The following PRMT3 variants were observed in gnomAD, a reference collection of about 807,000 sequenced individuals.
The protein encoded by PRMT3 is protein arginine methyltransferase 3.
PRMT3 carries 62 observed loss-of-function variants against 71.9 expected under a neutral mutation model. The observed-to-expected ratio is 0.86, with a 90% CI of 0.70 to 1.07. The LOEUF (loss-of-function observed/expected upper bound fraction) is 1.07. PRMT3 is among the 50% of genes least tolerant of loss of function. The pLI, the probability that PRMT3 is intolerant of heterozygous loss-of-function variation, is 0.00. For synonymous variants in PRMT3, 213 were observed against 220.4 expected (o/e 0.97, Z 0.30); for missense variants, 663 against 643.0 (o/e 1.03, Z -0.34).
chr11:20,397,497 C>A, intron 6 of PRMT3, 80 bp from the exon 7 acceptor site: 1 of 1,434,704 alleles, frequency 7.0e-7, no homozygotes, highest in Non-Finnish European at 9.6e-7. Flanking sequence ...CCTCCCCTTT[C>A]CTCTTCCTCA....
chr11:20,462,082 C>G lies in PRMT3; in HGVS notation c.1175C>G (p.Ser392Cys). 6.2e-7 allele frequency: 1 copy of G among 1,613,008 alleles called. No individual in the cohort carries two copies. Among genetic ancestry groups the G allele is most frequent in the Non-Finnish European group, 8.5e-7 (1 of 1,179,350 alleles). ...GATGATGTCTATGGCTTCAAGATGT[C>G]CTGCATGAAGAAAGCAGTTATTCCA... ...FWDDVYGFKM[S>C]CMKKAVIPEA... The change falls in exon 12 of 16, where the codon TCC (serine) becomes TGC (cysteine). Residue 392 changes from serine to cysteine, a missense_variant. Physicochemically the swap from Ser to Cys is moderately radical, Grantham distance 112. Coordinates refer to ENST00000331079, the MANE Select transcript of PRMT3 (RefSeq NM_005788.4).
At chr11:20,452,109 T>G (rs1001669) in intron 10 of PRMT3, 21 bp from the exon 11 acceptor site, 1,404,610 of 1,549,752 alleles carry the variant, frequency 0.91, 646,456 homozygotes, top group Non-Finnish European at 0.95. Flanking sequence ...TAAACTCTTT[T>G]TTTCCCCTTT....
chr11:20,500,470 T>C (rs894341015), intron 15 of PRMT3, among the ~76,000 whole-genome samples: 5 of 152,228 alleles, frequency 3.3e-5, no homozygotes, highest in African/African-American at 1.2e-4. Flanking sequence ...CATTGGAATC[T>C]TTATGCTGTG....
At chr11:20,444,674 GTC>G (rs977350970) in intron 10 of PRMT3, among the ~76,000 whole-genome samples, 1 of 152,050 alleles carries the variant, frequency 6.6e-6, no homozygotes, top group African/African-American at 2.4e-5. Context: ...CCAGCATGTG[GTC>G]TCTCTCATTG....
intron 13 of PRMT3, among the ~76,000 whole-genome samples, chr11:20,477,487 T>C (rs898913972): frequency 2.0e-5 from 3 of 151,108 alleles, no homozygotes; most frequent in African/African-American, 4.9e-5. Context: ...AACCTGGAGG[T>C]GAAGGTTCCA....
chr11:20,433,292 G>A lies in PRMT3; in HGVS notation c.993+6427G>A, dbSNP rs140419142. Among the ~76,000 whole-genome samples, 107 of 152,150 alleles carry A rather than the reference G, an allele frequency of 7.0e-4. 1 individual carries two copies. The East Asian group carries it at 0.019, about 27-fold the overall frequency. ...CATCATTTAGCTCCCACTTATAAGTGAGAACATGTGGTATTTGGTTTTCTG... is the reference window on the plus strand; with the variant it reads ...CATCATTTAGCTCCCACTTATAAGTAAGAACATGTGGTATTTGGTTTTCTG... On this transcript the variant is annotated intron_variant, in intron 10 of 15. Transcript: ENST00000331079.
At chr11:20,449,934 A>C (rs1454849823) in intron 10 of PRMT3, among the ~76,000 whole-genome samples, 24 of 152,136 alleles carry the variant, frequency 1.6e-4, no homozygotes, top group Admixed American at 1.6e-3. Flanking sequence ...AGGAGACAAA[A>C]TAAAAACAAA....
At chr11:20,450,032 A>G (rs1455080347) in intron 10 of PRMT3, among the ~76,000 whole-genome samples, 1 of 152,144 alleles carries the variant, frequency 6.6e-6, no homozygotes, top group East Asian at 1.9e-4. Context: ...AAGAAAGGAT[A>G]TTTTATGTAG....
At chr11:20,399,658 G>C (rs969487024) in intron 7 of PRMT3, among the ~76,000 whole-genome samples, 1 of 152,070 alleles carries the variant, frequency 6.6e-6, no homozygotes, top group African/African-American at 2.4e-5. Context: ...GGGCTTTTCA[G>C]ACAGATTAAA....
At position 20,387,785 on chromosome 11, in the gene PRMT3, T is replaced by C. The variant is rs931244975; in HGVS notation, c.28+11T>C. On this transcript the variant is annotated intron_variant, in intron 1 of 15. Transcript: ENST00000331079. This position sits in a 1 kb window ranked among gnomAD's most constrained non-coding sequence, Gnocchi z 4.3. ...CGTCAGGCGCTACCGGTGGGTACCCTGGCCCCTCAGCACCCGGCTCGTCCA... is the reference window on the plus strand; with the variant it reads ...CGTCAGGCGCTACCGGTGGGTACCCCGGCCCCTCAGCACCCGGCTCGTCCA... The C allele has an allele frequency of 4.5e-6, 7 of 1,541,838 alleles. No homozygotes were observed. In the African/African-American group the frequency reaches 8.2e-5, roughly 18 times the overall value.
chr11:20,390,731 A>T (rs10833317), intron 3 of PRMT3, among the ~76,000 whole-genome samples: 37,650 of 152,200 alleles, frequency 0.25, 4,816 homozygotes, highest in South Asian at 0.35. Context: ...TGTGATTCCA[A>T]CACTTTGGGA....
chr11:20,446,144 C>T (rs576296359), intron 10 of PRMT3, among the ~76,000 whole-genome samples: 2 of 152,036 alleles, frequency 1.3e-5, no homozygotes, highest in South Asian at 4.2e-4. Context: ...CATGTTAATT[C>T]CAAAGTACTG....
chr11:20,461,359 T>C (rs183972996), intron 11 of PRMT3, among the ~76,000 whole-genome samples: 1 of 152,366 alleles, frequency 6.6e-6, no homozygotes, highest in Admixed American at 6.5e-5. Context: ...TGGATGCTCC[T>C]GTTCTTAGTA....
At chr11:20,468,099 G>A (rs74794449) in intron 13 of PRMT3, among the ~76,000 whole-genome samples, 1 of 152,278 alleles carries the variant, frequency 6.6e-6, no homozygotes, top group African/African-American at 2.4e-5. Context: ...AATTAGCGAA[G>A]ATATTGAAAG....
chr11:20,417,547 T>C (rs1849334281), intron 9 of PRMT3, among the ~76,000 whole-genome samples: 2 of 152,214 alleles, frequency 1.3e-5, no homozygotes, highest in South Asian at 4.1e-4. Context: ...CCGTATCTTT[T>C]ACCTAAATCA....
chr11:20,473,078 C>A (rs1850689532), intron 13 of PRMT3, among the ~76,000 whole-genome samples: 1 of 152,016 alleles, frequency 6.6e-6, no homozygotes, highest in Non-Finnish European at 1.5e-5. Context: ...TCTGTGGAGA[C>A]CACGGTAATA....
intron 7 of PRMT3, among the ~76,000 whole-genome samples, chr11:20,398,753 C>G (rs894876029): frequency 2.0e-5 from 3 of 152,202 alleles, no homozygotes; most frequent in African/African-American, 7.2e-5. Flanking sequence ...AGTACAGTGA[C>G]ATGCTGTACA....
chr11:20,469,770 A>G (rs1223897033), intron 13 of PRMT3, among the ~76,000 whole-genome samples: 1 of 152,144 alleles, frequency 6.6e-6, no homozygotes, highest in Non-Finnish European at 1.5e-5. Flanking sequence ...TATTTGATAT[A>G]TCATCTCTTA....
At chr11:20,489,062 T>C (rs1296477684) in intron 13 of PRMT3, among the ~76,000 whole-genome samples, 1 of 152,214 alleles carries the variant, frequency 6.6e-6, no homozygotes, top group Admixed American at 6.5e-5. Context: ...TCACAAAATA[T>C]CAAGAGTGAT....
Sources: gnomAD v4.1 joint callset for allele counts (sites outside exome capture counted in the v4.1 genomes callset) on GRCh38, gnomAD v4.1.1 for gene constraint, Gnocchi (gnomAD v3.1) non-coding constraint, MANE v1.5 for transcripts, NCBI Gene and HGNC (gene_info 2026-07-23, HGNC 2026-07-21) for gene names.